Variants in DHX36 observed in about 807,000 individuals in gnomAD.
DHX36 encodes ATP-dependent DNA/RNA helicase DHX36.
A neutral mutation model predicts 139.0 loss-of-function variants in DHX36; 50 were observed. That is an observed-to-expected ratio of 0.36 (90% confidence interval 0.29 to 0.46). The LOEUF is 0.46. DHX36 is among the 20% of genes least tolerant of loss of function. DHX36 has a pLI of 1.00. For synonymous variants in DHX36, 425 were observed against 401.9 expected, an observed-to-expected ratio of 1.06 and a Z score of -0.69; for missense variants, 1,024 against 1,211.3, an observed-to-expected ratio of 0.85 and a Z score of 2.29.
At chr3:154,296,324 CTT>C (rs939705342) in intron 12 of DHX36, among the ~76,000 whole-genome samples, 5 of 151,980 alleles carry the variant, frequency 3.3e-5, no homozygotes, top group African/African-American at 1.2e-4. Flanking sequence ...AATACAAAAA[CTT>C]AGCTGGGCGT....
At chr3:154,280,205 G>A (rs190802451) in intron 22 of DHX36, 2 of 167,478 alleles carry the variant, frequency 1.2e-5, no homozygotes, top group Admixed American at 1.2e-4. Context: ...AAATCACAAT[G>A]TTATTCAAAG....
At chr3:154,313,804 A>G (rs760778950) in intron 3 of DHX36, among the ~76,000 whole-genome samples, 15 of 152,230 alleles carry the variant, frequency 9.9e-5, no homozygotes, top group Non-Finnish European at 1.6e-4. Context: ...ATGATTAAAA[A>G]GCTGAGTTGT....
chr3:154,300,508 C>T, intron 11 of DHX36, 86 bp downstream of exon 11: 1 of 1,008,284 alleles, frequency 9.9e-7, no homozygotes, highest in Middle Eastern at 3.1e-4. Context: ...ATTTCATAAG[C>T]ATTTAAGAAA....
Position 154,285,919 on chromosome 3 carries a change from A to G in DHX36, c.2032-932T>C, listed in dbSNP as rs1262796582. ...AAATCTTACAAGGACATCTGAAGAA[A>G]ACTAAATAAACTTACATATGAAAAT... On this transcript the variant is annotated intron_variant, in intron 17 of 24. Transcript: ENST00000496811. Among the ~76,000 whole-genome samples, 4 of 152,160 alleles carry G rather than the reference A, an allele frequency of 2.6e-5. No homozygotes were observed. In the East Asian group the frequency reaches 7.7e-4, roughly 29 times the overall value.
intron 11 of DHX36, 115 bp from the exon 12 acceptor site, chr3:154,300,040 C>A: frequency 3.0e-6 from 2 of 675,366 alleles, no homozygotes; most frequent in South Asian, 1.9e-5. Context: ...GGATAATTTT[C>A]GTTAATAATT....
chr3:154,295,194 TA>T (rs531182304), intron 13 of DHX36, 89 bp downstream of exon 13: 48 of 761,598 alleles, frequency 6.3e-5, no homozygotes, highest in East Asian at 1.9e-4. Flanking sequence ...AAATACTCCT[TA>T]AAAAAAATAA....
intron 1 of DHX36, among the ~76,000 whole-genome samples, chr3:154,318,237 T>C (rs1388977685): frequency 1.3e-5 from 2 of 152,136 alleles, no homozygotes; most frequent in Non-Finnish European, 2.9e-5. Context: ...ATGAACTATA[T>C]GTTACCTCCT....
intron 1 of DHX36, among the ~76,000 whole-genome samples, chr3:154,321,257 A>AATAC (rs1713175062): frequency 2.6e-5 from 4 of 152,316 alleles, no homozygotes; most frequent in Admixed American, 2.6e-4. Context: ...ACCTCATCTC[A>AATAC]ATACACTCCA....
chr3:154,315,023 A>G, intron 3 of DHX36, 23 bp downstream of exon 3: 2 of 1,518,446 alleles, frequency 1.3e-6, no homozygotes, highest in South Asian at 1.2e-5. Flanking sequence ...ATGACAAAAT[A>G]TTTTTTGACA....
chr3:154,283,128 G>T, intron 20 of DHX36, 60 bp downstream of exon 20: 1 of 1,285,048 alleles, frequency 7.8e-7, no homozygotes, highest in Non-Finnish European at 1.1e-6. Flanking sequence ...TGTACAAAAT[G>T]GATGTATATA....
chr3:154,307,853 A>C (rs1712563601), intron 5 of DHX36, among the ~76,000 whole-genome samples: 1 of 152,164 alleles, frequency 6.6e-6, no homozygotes, highest in South Asian at 2.1e-4. Flanking sequence ...CATAACAGTA[A>C]AGATACGGAA....
At chr3:154,277,297 A>G (rs1414861857) in intron 23 of DHX36, among the ~76,000 whole-genome samples, 2 of 152,140 alleles carry the variant, frequency 1.3e-5, no homozygotes, top group African/African-American at 2.4e-5. Context: ...TGCTAACAAA[A>G]CTTTCTATAC....
intron 17 of DHX36, among the ~76,000 whole-genome samples, chr3:154,287,600 T>C (rs1307310008): frequency 2.0e-5 from 3 of 151,866 alleles, no homozygotes; most frequent in Non-Finnish European, 4.4e-5. Flanking sequence ...CAGGCTGCAG[T>C]GAGCCGAGAT....
At chr3:154,322,975 G>A (rs1025784161) in intron 1 of DHX36, among the ~76,000 whole-genome samples, 3 of 152,080 alleles carry the variant, frequency 2.0e-5, no homozygotes, top group Admixed American at 6.6e-5. Flanking sequence ...AATGGATAAG[G>A]CCCCCAAAAC....
At chr3:154,303,539 T>C (rs1002742781) in intron 8 of DHX36, 129 bp from the exon 9 acceptor site, 275 of 626,940 alleles carry the variant, frequency 4.4e-4, no homozygotes, top group Admixed American at 9.6e-4. Context: ...GCTTTTACAA[T>C]TCTACCCTAC....
intron 10 of DHX36, 116 bp downstream of exon 10, chr3:154,300,861 TAGCTCGAATA>T (rs1712241113): frequency 7.2e-7 from 1 of 1,385,596 alleles, no homozygotes; most frequent in Non-Finnish European, 1.0e-6. Flanking sequence ...GCACAATATT[TAGCTCGAATA>T]AGAGACTCAC....
intron 20 of DHX36, among the ~76,000 whole-genome samples, chr3:154,281,376 T>A (rs1035682594): frequency 1.3e-5 from 2 of 151,952 alleles, no homozygotes; most frequent in South Asian, 2.1e-4. Context: ...GTTTTTTTTT[T>A]AAATAATGAT....
chr3:154,312,867 AT>A lies in DHX36; in HGVS notation c.604-1194del, dbSNP rs1576880179. ...AAATAATTAAAATATATATATATAT[AT>A]ATATATATATATATATATATATATA... On this transcript the variant is annotated intron_variant, in intron 3 of 24. Transcript: ENST00000496811. Among the ~76,000 whole-genome samples the A allele has an allele frequency of 2.3e-4, 12 of 51,072 alleles. 2 individuals carry two copies. In the East Asian group the frequency reaches 6.2e-3, roughly 27 times the overall value. 33.5% of individuals were successfully genotyped at this position (51,072 alleles called of 152,430 possible). A position where few individuals can be genotyped will look rare whatever the true frequency, so the allele number is the denominator to read the frequency against.
intron 1 of DHX36, 137 bp downstream of exon 1, chr3:154,324,037 A>G: frequency 2.0e-6 from 2 of 1,020,212 alleles, no homozygotes; most frequent in Non-Finnish European, 2.9e-6. Flanking sequence ...GAGCGCCAGC[A>G]TAATATATTT....
Sources: gnomAD v4.1 joint callset for allele counts (sites outside exome capture counted in the v4.1 genomes callset) on GRCh38, gnomAD v4.1.1 for gene constraint, MANE v1.5 for transcripts, NCBI Gene and HGNC (gene_info 2026-07-23, HGNC 2026-07-21) for gene names.